ANK3: variants seen among roughly 807,000 people sequenced by gnomAD.
ANK3 encodes the protein ankyrin-3.
Under a neutral mutation model 370.9 loss-of-function variants are expected in ANK3, and 57 were observed. The ratio of observed to expected loss-of-function variants is 0.15; its 90% CI spans 0.12 to 0.19. The LOEUF is 0.19. ANK3 is among the 10% of genes least tolerant of loss of function. ANK3 has a pLI of 1.00. For missense variants in ANK3, 4,439 were observed against 5,302.1 expected (o/e 0.84, Z 5.06); for synonymous variants, 1,929 against 1,946.3 (o/e 0.99, Z 0.23).
rs2079961642 is a variant in ANK3 at position 60,727,725 on chromosome 10, T to TATC, written c.57+5535_57+5537dup. On this transcript the variant is annotated intron_variant, in intron 1 of 43. Transcript: ENST00000373827. ...CCAGTTACAGACCTCAGTTCTCTCATATCTAATCTAGGTATTTAAGGATCT... is the reference window on the plus strand; with the variant it reads ...CCAGTTACAGACCTCAGTTCTCTCATATCATCTAATCTAGGTATTTAAGGATCT... Among the ~76,000 whole-genome samples the TATC allele has an allele frequency of 2.6e-5, 4 of 152,278 alleles. No individual in the cohort carries two copies. The South Asian group carries it at 8.3e-4, about 32-fold the overall frequency.
intron 42 of ANK3, chr10:60,050,528 A>G (rs1325069973): frequency 6.6e-6 from 1 of 152,184 alleles, no homozygotes; most frequent in East Asian, 1.9e-4. Flanking sequence ...TTTTCAATAG[A>G]TATTCTCTTC....
rs1414302834 is a variant in ANK3, at chr10:60,074,884, TTC to T, written c.5995_5996del (p.Glu1999SerfsTer30). The T allele has an allele frequency of 6.2e-7, 1 of 1,613,910 alleles. No homozygotes were observed. The highest frequency in any genetic ancestry group is 1.7e-5 in the Admixed American group (1 of 59,992). ...GGCTCGCAGCAGCTTGTTGTCTGGCTTCCCGGATTTCTTCCGAACTAAATTCT... is the reference window on the plus strand; with the variant it reads ...GGCTCGCAGCAGCTTGTTGTCTGGCTCCGGATTTCTTCCGAACTAAATTCT... The part of the protein sequence containing the change: ...WIEFSSEEIR[E>X]ARQQAAASQS... On this transcript the variant is annotated frameshift_variant, in exon 37 of 44. Transcript: ENST00000280772. LOFTEE classifies it high-confidence loss of function.
At chr10:60,311,474 CAAAAA>C (rs57897005) in intron 1 of ANK3, among the ~76,000 whole-genome samples, 50,826 of 125,874 alleles carry the variant, frequency 0.4, 9,398 homozygotes, top group Middle Eastern at 0.5. Context: ...ATATGGAAGC[CAAAAA>C]AAAAAAAAAA....
chr10:60,588,160 TTTATTATTATTA>T (rs147944306), intron 2 of ANK3, among the ~76,000 whole-genome samples: 94 of 141,112 alleles, frequency 6.7e-4, no homozygotes, highest in East Asian at 3.9e-3. Flanking sequence ...TTTCTCAGTT[TTTATTATTATTA>T]TTATTATTAT....
At chr10:60,684,220 C>G (rs748037605) in intron 1 of ANK3, among the ~76,000 whole-genome samples, 1 of 152,120 alleles carries the variant, frequency 6.6e-6, no homozygotes, top group African/African-American at 2.4e-5. Flanking sequence ...TGATTAGGGG[C>G]GCGCAGGCAG....
chr10:60,200,206 T>G lies in ANK3; in HGVS notation c.1414A>C (p.Met472Leu). ...TCAGCTTGGCCGGAGCGAGCTGCCATGTGCAGTGCTGTTTCTCCTCTCTGG... is the reference window on the plus strand; with the variant it reads ...TCAGCTTGGCCGGAGCGAGCTGCCAGGTGCAGTGCTGTTTCTCCTCTCTGG... ...TNVRGETALH[M>L]AARSGQAEVV... The change falls in exon 13 of 44, where the codon ATG becomes CTG. Residue 472 changes from methionine (M) to leucine (L), a missense_variant. Met to Leu is a conservative substitution (Grantham distance 15). Around this residue, in one of 13 missense-constraint regions of ANK3, gnomAD observed 227 missense variants for 377.6 expected, o/e 0.60. Transcript: ENST00000280772. The G allele has an allele frequency of 6.2e-7, 1 of 1,614,124 alleles. No individual in the cohort carries two copies. The highest frequency in any genetic ancestry group is 8.5e-7 in the Non-Finnish European group (1 of 1,179,996).
At chr10:60,630,335 T>C (rs73271561) in intron 1 of ANK3, among the ~76,000 whole-genome samples, 3,543 of 152,326 alleles carry the variant, frequency 0.023, 115 homozygotes, top group African/African-American at 0.081. Flanking sequence ...TTATAATCCA[T>C]GCATATTATA....
chr10:60,291,439 G>T (rs1166178445), intron 1 of ANK3, among the ~76,000 whole-genome samples: 1 of 152,024 alleles, frequency 6.6e-6, no homozygotes, highest in Non-Finnish European at 1.5e-5. Flanking sequence ...AAGTTGCAAG[G>T]TATCTTACTG....
chr10:60,050,795 G>T (rs948839147), intron 42 of ANK3: 2 of 151,972 alleles, frequency 1.3e-5, no homozygotes, highest in Non-Finnish European at 2.9e-5. Flanking sequence ...TTTCAATTGT[G>T]CCGTAATAGG....
At position 60,234,782 on chromosome 10, in the gene ANK3, T is replaced by C; in HGVS notation, c.803A>G (p.Asp268Gly). The C allele has an allele frequency of 1.9e-6, 3 of 1,604,462 alleles. No individual in the cohort carries two copies. Among genetic ancestry groups the C allele is most frequent in the East Asian group, 4.5e-5 (2 of 44,794 alleles). ...AAAVDFTARNDITPLHVASKR... is the reference protein window; with the variant it reads ...AAAVDFTARNGITPLHVASKR... ...TGATGCAACATGTAAAGGAGTGATG[T>C]CATTCTGGGAAGAAGAGGAAAAAGT... The change falls in exon 8 of 44, where the codon GAC becomes GGC. Residue 268 changes from aspartate (D) to glycine (G), a missense_variant. Transcript: ENST00000280772.
intron 2 of ANK3, among the ~76,000 whole-genome samples, chr10:60,581,381 G>A (rs2077749403): frequency 1.4e-5 from 2 of 146,664 alleles, no homozygotes; most frequent in Non-Finnish European, 3.0e-5. Context: ...ACATTTGTAT[G>A]TCTGCTTTTG....
rs770494000 is a variant in ANK3, at chr10:60,239,227, T to C, written c.799-4441A>G. 2.6e-5 allele frequency among the ~76,000 whole-genome samples: 4 copies of C among 152,216 alleles called. No individual in the cohort carries two copies. In the South Asian group the frequency reaches 8.3e-4, roughly 32 times the overall value. ...GGGACAGAAGACATACTTGAAGAGA[T>C]AATGAATGGTCAAGAATTTTCTTGG... On this transcript the variant is annotated intron_variant, in intron 7 of 43. Coordinates refer to ENST00000280772, the MANE Select transcript of ANK3 (RefSeq NM_020987.5).
intron 32 of ANK3, 85 bp from the exon 33 acceptor site, chr10:60,083,702 C>A: frequency 8.6e-7 from 1 of 1,167,854 alleles, no homozygotes; most frequent in East Asian, 2.4e-5. Context: ...CGTTAAAAGA[C>A]TGACGTTACT....
At chr10:60,193,789 A>T (rs2096538182) in intron 16 of ANK3, among the ~76,000 whole-genome samples, 1 of 152,172 alleles carries the variant, frequency 6.6e-6, no homozygotes, top group Non-Finnish European at 1.5e-5. Context: ...CTAATTATTT[A>T]CTTGTTATCT....
chr10:60,116,061 T>C lies in ANK3; in HGVS notation c.2842-1730A>G, dbSNP rs114893094. Among the ~76,000 whole-genome samples, 724 of 152,190 alleles carry C rather than the reference T, an allele frequency of 4.8e-3. 5 individuals carry two copies. Among genetic ancestry groups the C allele is most frequent in the African/African-American group, 0.017 (692 of 41,524 alleles). On this transcript the variant is annotated intron_variant, in intron 25 of 43. Transcript: ENST00000280772. Reference sequence around the variant, plus strand: ...CAGAAGGATTGGCTAGAATTCTCTTTAAAAAGTGATTTGACCTTCATAATC... The same window carrying C: ...CAGAAGGATTGGCTAGAATTCTCTTCAAAAAGTGATTTGACCTTCATAATC...
intron 9 of ANK3, among the ~76,000 whole-genome samples, chr10:60,209,263 T>C (rs1208945459): frequency 6.6e-6 from 1 of 152,104 alleles, no homozygotes; most frequent in Admixed American, 6.5e-5. Flanking sequence ...TCTAAAAAAA[T>C]TGTCATCAAT....
intron 1 of ANK3, among the ~76,000 whole-genome samples, chr10:60,697,901 A>C (rs1431938954): frequency 6.6e-6 from 1 of 151,520 alleles, no homozygotes; most frequent in Non-Finnish European, 1.5e-5. Flanking sequence ...AAAATTGACA[A>C]ATGGGATCTA....
At chr10:60,704,194 C>A (rs1274297350) in intron 1 of ANK3, among the ~76,000 whole-genome samples, 1 of 152,148 alleles carries the variant, frequency 6.6e-6, no homozygotes, top group Non-Finnish European at 1.5e-5. Context: ...ATAATACAGG[C>A]ATGGTATCAA....
In ANK3 at chr10:60,176,854, T is replaced by A. The variant is rs1239092839; in HGVS notation, c.2185-3668A>T. Among the ~76,000 whole-genome samples the A allele has an allele frequency of 2.0e-5, 3 of 152,186 alleles. No homozygotes were observed. The East Asian group carries it at 5.8e-4, about 29-fold the overall frequency. The stretch of plus-strand genomic sequence containing the variant: ...ATTTTTCTTTCCTCTGGCATGCTCA[T>A]CTCAGCTTATAGACATATTTTTATG... On this transcript the variant is annotated intron_variant, in intron 18 of 43. Transcript: ENST00000280772.
Sources: allele counts gnomAD v4.1 joint callset (sites outside exome capture counted in the v4.1 genomes callset), GRCh38; gene constraint gnomAD v4.1.1; regional missense constraint gnomAD v4.1.1; transcripts MANE v1.5; gene names NCBI Gene and HGNC (gene_info 2026-07-23, HGNC 2026-07-21).